Variants in AATK observed in about 807,000 individuals in gnomAD.
AATK encodes the protein serine/threonine-protein kinase LMTK1.
Under a neutral mutation model 114.3 loss-of-function variants are expected in AATK, and 91 were observed. That is an observed-to-expected ratio of 0.80 (90% CI 0.67 to 0.95). The LOEUF (loss-of-function observed/expected upper bound fraction) is 0.95, where lower values mean the gene tolerates loss of function less well. AATK is among the 40% of genes least tolerant of loss of function. The probability of loss-of-function intolerance (pLI) is 0.00; values close to 1 mark genes in which losing one functional copy is unlikely to be tolerated. For missense variants in AATK, 2,176 were observed against 1,965.2 expected (o/e 1.11, Z -2.03); for synonymous variants, 1,075 against 916.5 (o/e 1.17, Z -3.12).
At chr17:81,130,708 C>A (rs937337914) in intron 3 of AATK, among the ~76,000 whole-genome samples, 1 of 152,142 alleles carries the variant, frequency 6.6e-6, no homozygotes, top group Non-Finnish European at 1.5e-5. Flanking sequence ...GACCAGAGAG[C>A]CCGCACCCCT....
rs1276302466 is a variant in AATK at position 81,126,676 on chromosome 17, G to A, written c.622-116C>T. 1.4e-6 allele frequency: 2 copies of A among 1,452,314 alleles called. No homozygotes were observed. Among genetic ancestry groups the A allele is most frequent in the African/African-American group, 2.8e-5 (2 of 70,488 alleles). The allele number at this position is 1,452,314 out of a possible 1,614,324, so 90.0% of individuals were successfully genotyped here. ...TACCCACAGCTGAGGGACAGCAGCT[G>A]CCCAGAGCAGCCTCGTGCCCTGCAC... On this transcript the variant is annotated intron_variant, in intron 6 of 13. Transcript: ENST00000326724. This position sits in a 1 kb window ranked among gnomAD's most constrained non-coding sequence, Gnocchi z 5.1.
rs2060836911 is a variant in AATK at position 81,126,859 on chromosome 17, T to C, written c.622-299A>G. 1 of 1,211,122 alleles carries C rather than the reference T, an allele frequency of 8.3e-7. No individual in the cohort carries two copies. Among genetic ancestry groups the C allele is most frequent in the African/African-American group, 1.5e-5 (1 of 64,970 alleles). 75.0% of individuals were successfully genotyped at this position (1,211,122 alleles called of 1,614,324 possible). A position where few individuals can be genotyped will look rare whatever the true frequency, so the allele number is the denominator to read the frequency against. Reference sequence around the variant, plus strand: ...AACACAGGGCCCAAGTGGATCTGCTTGATGGAGTCTGGGGCTGGTGGTCGA... The same window carrying C: ...AACACAGGGCCCAAGTGGATCTGCTCGATGGAGTCTGGGGCTGGTGGTCGA... On this transcript the variant is annotated intron_variant, in intron 6 of 13. Coordinates refer to ENST00000326724, the MANE Select transcript of AATK (RefSeq NM_001080395.3). This position sits in a 1 kb window ranked among gnomAD's most constrained non-coding sequence, Gnocchi z 5.1.
Position 81,121,424 on chromosome 17 carries a change from T to C in AATK, c.2512A>G (p.Ile838Val), listed in dbSNP as rs1247285158. Reference protein sequence around the residue: ...TPATGGEVSAIKLASALNGSS... With the variant: ...TPATGGEVSAVKLASALNGSS... ...CCATTCAGGGCAGAAGCCAGCTTGATGGCAGACACCTCGCCACCAGTAGCA... is the reference window on the plus strand; with the variant it reads ...CCATTCAGGGCAGAAGCCAGCTTGACGGCAGACACCTCGCCACCAGTAGCA... Residue 838 changes from isoleucine to valine, a missense_variant, in exon 11 of 14, where the codon ATC becomes GTC. Ile to Val is a conservative substitution (Grantham distance 29, BLOSUM62 3). Transcript: ENST00000326724. 6.2e-7 allele frequency: 1 copy of C among 1,605,410 alleles called. No individual in the cohort carries two copies. Among genetic ancestry groups the C allele is most frequent in the Non-Finnish European group, 8.5e-7 (1 of 1,176,398 alleles).
At chr17:81,132,892 G>A (rs1490510008) in intron 2 of AATK, 1 of 245,784 alleles carries the variant, frequency 4.1e-6, no homozygotes, top group Non-Finnish European at 8.3e-6. Context: ...GGCGCAGGAG[G>A]AGGAGCTATG....
intron 1 of AATK, among the ~76,000 whole-genome samples, chr17:81,137,419 C>A (rs1245843055): frequency 6.6e-6 from 1 of 152,096 alleles, no homozygotes; most frequent in East Asian, 1.9e-4. Context: ...CACAGTCTCT[C>A]GGCCGCAGGC....
intron 1 of AATK, among the ~76,000 whole-genome samples, chr17:81,162,919 C>A (rs1567831408): frequency 6.6e-6 from 1 of 152,200 alleles, no homozygotes; most frequent in Non-Finnish European, 1.5e-5. Context: ...ACAGTGACAC[C>A]TCTGCGTCAG....
chr17:81,152,835 C>T (rs1443846353), intron 1 of AATK, among the ~76,000 whole-genome samples: 1 of 127,134 alleles, frequency 7.9e-6, no homozygotes. Context: ...TCAAAACCAG[C>T]CCTGCTGAAT....
intron 1 of AATK, among the ~76,000 whole-genome samples, chr17:81,152,264 A>G (rs575868554): frequency 1.1e-4 from 16 of 152,220 alleles, no homozygotes; most frequent in African/African-American, 3.6e-4. Context: ...AGAAGAAAGC[A>G]TGACTCAGTC....
chr17:81,163,850 C>T (rs1386069787), intron 1 of AATK, among the ~76,000 whole-genome samples: 1 of 152,246 alleles, frequency 6.6e-6, no homozygotes, highest in African/African-American at 2.4e-5. Flanking sequence ...GGCCCGGCAG[C>T]GGGGCAGGGC....
intron 1 of AATK, among the ~76,000 whole-genome samples, chr17:81,156,210 A>G (rs2061363750): frequency 6.7e-6 from 1 of 148,190 alleles, no homozygotes; most frequent in African/African-American, 2.5e-5. Context: ...GTTACAATGT[A>G]TGTTACCATG....
chr17:81,128,693 A>C, intron 3 of AATK, 144 bp from the exon 4 acceptor site: 2 of 1,466,070 alleles, frequency 1.4e-6, no homozygotes, highest in Non-Finnish European at 1.8e-6. Flanking sequence ...CCTTGGGGCC[A>C]CCATCAGGAG....
intron 1 of AATK, among the ~76,000 whole-genome samples, chr17:81,151,281 C>T (rs754768850): frequency 9.5e-6 from 1 of 105,058 alleles, no homozygotes; most frequent in African/African-American, 3.6e-5. Flanking sequence ...GGCCCAGCCC[C>T]ACCTGTCTCC....
At chr17:81,124,543 G>A (rs1253794137) in intron 9 of AATK, among the ~76,000 whole-genome samples, 184 bp downstream of exon 9, 3 of 152,224 alleles carry the variant, frequency 2.0e-5, no homozygotes, top group Non-Finnish European at 4.4e-5. Flanking sequence ...GGGGCACCCT[G>A]TCAGGGTGGT....
At chr17:81,128,728 C>T (rs538842253) in intron 3 of AATK, 179 bp from the exon 4 acceptor site, 498 of 1,414,942 alleles carry the variant, frequency 3.5e-4, no homozygotes, top group South Asian at 5.1e-4. Context: ...GAGCAGGGGC[C>T]GCTGCTTCCC....
chr17:81,126,407 T>G lies in AATK; in HGVS notation c.755+20A>C. On this transcript the variant is annotated intron_variant, in intron 7 of 13. Coordinates refer to ENST00000326724, the MANE Select transcript of AATK (RefSeq NM_001080395.3). This position sits in a 1 kb window ranked among gnomAD's most constrained non-coding sequence, Gnocchi z 5.1. ...GCCTGGCCTAGGGCTTCCCGGCCGC[T>G]GGCCCGCGCCCGCCCTCACCTGTGC... The G allele has an allele frequency of 6.5e-7, 1 of 1,548,942 alleles. No individual in the cohort carries two copies. Among genetic ancestry groups the G allele is most frequent in the Non-Finnish European group, 8.7e-7 (1 of 1,145,080 alleles).
Position 81,121,195 on chromosome 17 carries a change from T to G in AATK, c.2741A>C (p.Asp914Ala). The change falls in exon 11 of 14, where the codon GAT becomes GCT. Residue 914 changes from aspartate to alanine, a missense_variant. By Grantham distance (126) the Asp-to-Ala change is moderately radical. Around this residue, in one of 4 missense-constraint regions of AATK, gnomAD observed 1,701 missense variants for 1,394.7 expected, o/e 1.22. Coordinates refer to ENST00000326724, the MANE Select transcript of AATK (RefSeq NM_001080395.3). ...DSLDIPSSAS[D>A]GGYEVFSPSA... ...CGGGCTGAAGACCTCATAGCCACCATCACTGGCTGAGGACGGGATGTCCAG... is the reference window on the plus strand; with the variant it reads ...CGGGCTGAAGACCTCATAGCCACCAGCACTGGCTGAGGACGGGATGTCCAG... 6.2e-7 allele frequency: 1 copy of G among 1,604,198 alleles called. No homozygotes were observed. The highest frequency in any genetic ancestry group is 1.1e-5 in the South Asian group (1 of 89,536).
At chr17:81,147,206 C>T (rs1304356079) in intron 1 of AATK, among the ~76,000 whole-genome samples, 1 of 150,970 alleles carries the variant, frequency 6.6e-6, no homozygotes, top group Non-Finnish European at 1.5e-5. Context: ...ACTAAAAATA[C>T]AAAAATTAGC....
intron 1 of AATK, among the ~76,000 whole-genome samples, chr17:81,151,588 G>A (rs1188719245): frequency 3.3e-5 from 5 of 152,114 alleles, no homozygotes; most frequent in African/African-American, 1.2e-4. Flanking sequence ...CAAAGGCTGT[G>A]TCCAAAGGAC....
intron 1 of AATK, among the ~76,000 whole-genome samples, chr17:81,150,226 G>A (rs2061276958): frequency 6.6e-6 from 1 of 151,906 alleles, no homozygotes; most frequent in Non-Finnish European, 1.5e-5. Flanking sequence ...AAGCCCCTGA[G>A]CTGTTTGCTG....
Sources: allele counts gnomAD v4.1 joint callset (sites outside exome capture counted in the v4.1 genomes callset), GRCh38; gene constraint gnomAD v4.1.1; regional missense constraint gnomAD v4.1.1; non-coding constraint Gnocchi (gnomAD v3.1); transcripts MANE v1.5; gene names NCBI Gene and HGNC (gene_info 2026-07-23, HGNC 2026-07-21).